The following KAZN variants were observed in gnomAD, a reference collection of about 807,000 sequenced individuals.
KAZN encodes kazrin.
A neutral mutation model predicts 87.4 loss-of-function variants in KAZN; 40 were observed. That is an observed-to-expected ratio of 0.46 (90% CI 0.36 to 0.60). KAZN has a LOEUF of 0.60. Ranked by LOEUF, KAZN falls within the 20% of genes least tolerant of loss-of-function variation. The probability of loss-of-function intolerance (pLI) is 0.00; values close to 1 mark genes in which losing one functional copy is unlikely to be tolerated. For synonymous variants in KAZN, 466 were observed against 458.3 expected (o/e 1.02, Z -0.22); for missense variants, 898 against 1,073.9 (o/e 0.84, Z 2.29).
At chr1:14,852,316 G>A (rs891194487) in intron 1 of KAZN, among the ~76,000 whole-genome samples, 1 of 152,256 alleles carries the variant, frequency 6.6e-6, no homozygotes, top group Admixed American at 6.5e-5. Flanking sequence ...GGCCCAGCAG[G>A]TGTGGACACA....
intron 2 of KAZN, among the ~76,000 whole-genome samples, chr1:14,446,440 C>G (rs1666988844): frequency 6.6e-6 from 1 of 152,058 alleles, no homozygotes; most frequent in Admixed American, 6.5e-5. Context: ...TGGAAAATAT[C>G]TTGGTTTTAG....
At chr1:13,900,914 T>G (rs1246895497) in intron 1 of KAZN, among the ~76,000 whole-genome samples, 1 of 152,178 alleles carries the variant, frequency 6.6e-6, no homozygotes, top group Non-Finnish European at 1.5e-5. Flanking sequence ...TACTATTTGT[T>G]ATTAGTGCAA....
intron 2 of KAZN, among the ~76,000 whole-genome samples, chr1:14,453,129 G>A (rs1571686413): frequency 6.6e-6 from 1 of 151,972 alleles, no homozygotes; most frequent in African/African-American, 2.4e-5. Context: ...CTAATTTTTT[G>A]TATATTTAGT....
chr1:15,103,272 G>T, intron 11 of KAZN, 87 bp from the exon 12 acceptor site: 1 of 951,112 alleles, frequency 1.1e-6, no homozygotes, highest in East Asian at 2.6e-5. Context: ...GTCTCGGGGG[G>T]AAAAAGAGAT....
chr1:13,935,972 C>T (rs1238796754), intron 1 of KAZN, among the ~76,000 whole-genome samples: 1 of 146,262 alleles, frequency 6.8e-6, no homozygotes, highest in African/African-American at 2.5e-5. Flanking sequence ...AATATATATA[C>T]TATTATATGA....
At chr1:14,940,976 T>C (rs2101637722) in intron 1 of KAZN, among the ~76,000 whole-genome samples, 1 of 134,892 alleles carries the variant, frequency 7.4e-6, no homozygotes, top group East Asian at 2.4e-4. Flanking sequence ...AGTGCAGTGG[T>C]GCAATCTCGG....
intron 2 of KAZN, among the ~76,000 whole-genome samples, chr1:14,300,098 GTGTT>G (rs1409352221): frequency 6.6e-6 from 1 of 152,102 alleles, no homozygotes; most frequent in Non-Finnish European, 1.5e-5. Context: ...TGGCAGGAAA[GTGTT>G]TGGGGTCATC....
At chr1:14,877,183 C>T (rs558932227) in intron 1 of KAZN, among the ~76,000 whole-genome samples, 1 of 152,296 alleles carries the variant, frequency 6.6e-6, no homozygotes, top group African/African-American at 2.4e-5. Context: ...CTTCTCACCA[C>T]CAATCTCGTG....
Position 14,102,749 on chromosome 1 carries a change from G to A in KAZN, c.92-77686G>A, listed in dbSNP as rs117148639. Reference sequence around the variant, plus strand: ...TGCCATAACCGCACACCATGGACTAGACAACCCACCATGCATTAAACAACA... The same window carrying A: ...TGCCATAACCGCACACCATGGACTAAACAACCCACCATGCATTAAACAACA... On this transcript the variant is annotated intron_variant, in intron 1 of 16. Coordinates refer to the KAZN transcript ENST00000636203. 4.0e-3 allele frequency among the ~76,000 whole-genome samples: 610 copies of A among 152,088 alleles called. 10 individuals carry two copies. In the South Asian group the frequency reaches 0.066, roughly 17 times the overall value.
chr1:14,022,663 C>T (rs1640900114), intron 1 of KAZN, among the ~76,000 whole-genome samples: 1 of 152,060 alleles, frequency 6.6e-6, no homozygotes, highest in South Asian at 2.1e-4. Flanking sequence ...GTAGTGGTCT[C>T]AAGTGGTCTC....
At chr1:14,935,239 T>G (rs1338350894) in intron 1 of KAZN, among the ~76,000 whole-genome samples, 1 of 152,192 alleles carries the variant, frequency 6.6e-6, no homozygotes, top group Non-Finnish European at 1.5e-5. Flanking sequence ...GGTTCTTTCT[T>G]TTTTCTTTCT....
intron 1 of KAZN, among the ~76,000 whole-genome samples, chr1:13,954,246 CAAA>C (rs1326247962): frequency 3.3e-5 from 5 of 152,132 alleles, no homozygotes; most frequent in African/African-American, 1.2e-4. Context: ...ACCAACCAAA[CAAA>C]CAAACAAAAA....
chr1:14,397,900 G>T (rs1026613575), intron 2 of KAZN, among the ~76,000 whole-genome samples: 1 of 150,236 alleles, frequency 6.7e-6, no homozygotes, highest in Non-Finnish European at 1.5e-5. Context: ...GGAAGGATGT[G>T]CCTGTTCTGA....
chr1:14,378,716 A>T (rs1197767142), intron 2 of KAZN, among the ~76,000 whole-genome samples: 1 of 152,180 alleles, frequency 6.6e-6, no homozygotes, highest in Non-Finnish European at 1.5e-5. Flanking sequence ...CCAGAGGGGG[A>T]TATTCCATCC....
At chr1:14,898,620 G>A (rs1417414357) in intron 1 of KAZN, among the ~76,000 whole-genome samples, 2 of 152,110 alleles carry the variant, frequency 1.3e-5, no homozygotes, top group Admixed American at 6.6e-5. Context: ...TGGAGCCCTC[G>A]CTTGTACACA....
At chr1:14,036,470 CTT>C (rs1641563818) in intron 1 of KAZN, among the ~76,000 whole-genome samples, 1 of 150,862 alleles carries the variant, frequency 6.6e-6, no homozygotes. Flanking sequence ...ATGTTGAACT[CTT>C]TTTGAGAAAA....
At chr1:14,113,755 G>C (rs1644549175) in intron 1 of KAZN, among the ~76,000 whole-genome samples, 1 of 152,172 alleles carries the variant, frequency 6.6e-6, no homozygotes, top group Non-Finnish European at 1.5e-5. Flanking sequence ...AAACCATTGA[G>C]CCTTCCTGAA....
intron 2 of KAZN, among the ~76,000 whole-genome samples, chr1:14,419,944 CA>C (rs1370016670): frequency 6.6e-6 from 1 of 152,140 alleles, no homozygotes; most frequent in Non-Finnish European, 1.5e-5. Flanking sequence ...AAAACTTCCA[CA>C]AGGTGGAAGG....
intron 2 of KAZN, among the ~76,000 whole-genome samples, chr1:14,388,554 A>C (rs935060425): frequency 2.6e-5 from 4 of 151,550 alleles, no homozygotes; most frequent in Middle Eastern, 6.8e-3. Flanking sequence ...AGATACATCT[A>C]TGATGAGCTC....
Sources: allele counts gnomAD v4.1 joint callset (sites outside exome capture counted in the v4.1 genomes callset), GRCh38; gene constraint gnomAD v4.1.1; transcripts MANE v1.5; gene names NCBI Gene and HGNC (gene_info 2026-07-23, HGNC 2026-07-21).